Variants in KCNQ1OT1 observed in about 807,000 individuals in gnomAD.
KCNQ1OT1 encodes the protein KCNQ1 opposite strand/antisense transcript 1, also known as KCNQ1 antisense RNA 2 (non-protein coding).
At chr11:2,675,851 G>A in exon 1 of KCNQ1OT1, 2 of 398,730 alleles carry the variant, frequency 5.0e-6, no homozygotes, top group South Asian at 1.3e-4. Context: ...CCACTGCCTG[G>A]CCAACACCTG....
chr11:2,683,552 C>G lies in KCNQ1OT1; in HGVS notation n.16443G>C, dbSNP rs974455760. 4 of 398,486 alleles carry G rather than the reference C, an allele frequency of 1.0e-5. No homozygotes were observed. The highest frequency in any genetic ancestry group is 8.2e-5 in the African/African-American group (4 of 48,608). The allele number at this position is 398,486 out of a possible 1,614,324, so 24.7% of individuals were successfully genotyped here. On this transcript the variant is annotated non_coding_transcript_exon_variant, in exon 1 of 1. Coordinates refer to ENST00000597346, the Ensembl canonical transcript of KCNQ1OT1. The surrounding 1 kb of genome is among the most constrained non-coding windows in gnomAD (Gnocchi z 4.7). ...CATTTCTAAAAAAGAGGTAGAAGCC[C>G]CTACCTACTGACTGGCATCACAAAC...
exon 1 of KCNQ1OT1, chr11:2,635,676 G>A (rs1849453121): frequency 1.3e-5 from 2 of 152,044 alleles, no homozygotes; most frequent in Admixed American, 6.6e-5. Context: ...CTCTTTTTTG[G>A]TTCCATATGA....
At chr11:2,616,431 T>C in exon 1 of KCNQ1OT1, 1 of 398,060 alleles carries the variant, frequency 2.5e-6, no homozygotes, top group East Asian at 3.6e-5. Flanking sequence ...TTCTCTCTTT[T>C]AACTTTAGGT....
At chr11:2,694,081 A>C (rs1775309700) in exon 1 of KCNQ1OT1, 1 of 398,534 alleles carries the variant, frequency 2.5e-6, no homozygotes, top group African/African-American at 2.1e-5. Context: ...AGTTCCAACT[A>C]AACCTCTGGG....
At chr11:2,680,651 A>C (rs1850380796) in exon 1 of KCNQ1OT1, 1 of 398,462 alleles carries the variant, frequency 2.5e-6, no homozygotes, top group Non-Finnish European at 4.4e-6. Flanking sequence ...TTGCATTGAT[A>C]GTCTCACTAC....
exon 1 of KCNQ1OT1, chr11:2,633,278 C>T (rs77336468): frequency 0.013 from 5,149 of 398,404 alleles, 157 homozygotes; most frequent in East Asian, 0.079. Flanking sequence ...TTGTATATTC[C>T]GGATATTAAT....
exon 1 of KCNQ1OT1, chr11:2,615,778 G>C: frequency 2.5e-6 from 1 of 397,852 alleles, no homozygotes; most frequent in African/African-American, 2.1e-5. Context: ...TGCTGAATTT[G>C]GCTTACTAGT....
At position 2,687,883 on chromosome 11, in the gene KCNQ1OT1, G is replaced by A. The variant is rs577756532; in HGVS notation, n.12112C>T. The A allele has an allele frequency of 1.1e-4, 43 of 398,576 alleles. No homozygotes were observed. Among genetic ancestry groups the A allele is most frequent in the East Asian group, 5.0e-4 (14 of 28,088 alleles). The allele number at this position is 398,576 out of a possible 1,614,324, so 24.7% of individuals were successfully genotyped here. ...TCAAAGGCTGGACTTGGGGTGTCCCGCGGAAATCCTGGTGGGATGGAAAAT... is the reference window on the plus strand; with the variant it reads ...TCAAAGGCTGGACTTGGGGTGTCCCACGGAAATCCTGGTGGGATGGAAAAT... On this transcript the variant is annotated non_coding_transcript_exon_variant, in exon 1 of 1. Coordinates refer to ENST00000597346, the Ensembl canonical transcript of KCNQ1OT1. This position sits in a 1 kb window ranked among gnomAD's most constrained non-coding sequence, Gnocchi z 5.0.
chr11:2,646,054 A>G (rs746691646), exon 1 of KCNQ1OT1: 21 of 398,500 alleles, frequency 5.3e-5, no homozygotes, highest in African/African-American at 3.9e-4. Flanking sequence ...GAGTCTCTTC[A>G]TGATCCCAGC....
rs1849322402 is a variant in KCNQ1OT1, at chr11:2,629,737, T to C, written n.70258A>G. 1.0e-5 allele frequency: 4 copies of C among 398,422 alleles called. No homozygotes were observed. The South Asian group carries it at 3.8e-4, about 38-fold the overall frequency. 24.7% of individuals were successfully genotyped at this position (398,422 alleles called of 1,614,324 possible). ...TGTTTTTCAGGTTGTTTATTATTAG[T>C]GTATAGATACGCAAATGACTTCTGA... is the stretch of plus-strand genomic sequence containing the variant. On this transcript the variant is annotated non_coding_transcript_exon_variant, in exon 1 of 1. Coordinates refer to ENST00000597346, the Ensembl canonical transcript of KCNQ1OT1.
Position 2,690,907 on chromosome 11 carries a change from T to C in KCNQ1OT1, n.9088A>G, listed in dbSNP as rs1035946045. ...CTGTTTCCGTCTGGGTTTTGTCATG[T>C]GTAGGTCCCAGCGGCTTTAAGCCAA... On this transcript the variant is annotated non_coding_transcript_exon_variant, in exon 1 of 1. Coordinates refer to ENST00000597346, the Ensembl canonical transcript of KCNQ1OT1. This position sits in a 1 kb window ranked among gnomAD's most constrained non-coding sequence, Gnocchi z 5.1. The C allele has an allele frequency of 7.5e-6, 3 of 398,454 alleles. No individual in the cohort carries two copies. Among genetic ancestry groups the C allele is most frequent in the African/African-American group, 4.1e-5 (2 of 48,606 alleles). The allele number at this position is 398,454 out of a possible 1,614,324, so 24.7% of individuals were successfully genotyped here. A position where few individuals can be genotyped will look rare whatever the true frequency, so the allele number is the denominator to read the frequency against.
At chr11:2,693,069 CAT>C in exon 1 of KCNQ1OT1, 1 of 398,662 alleles carries the variant, frequency 2.5e-6, no homozygotes. Flanking sequence ...TCCAGTTAGC[CAT>C]AGAGGGGAAT....
Position 2,613,857 on chromosome 11 carries a change from T to G in KCNQ1OT1, n.86138A>C, listed in dbSNP as rs902769391. The G allele has an allele frequency of 2.5e-6, 1 of 398,472 alleles. No individual in the cohort carries two copies. Among genetic ancestry groups the G allele is most frequent in the African/African-American group, 2.1e-5 (1 of 48,632 alleles). 24.7% of individuals were successfully genotyped at this position (398,472 alleles called of 1,614,324 possible). A position where few individuals can be genotyped will look rare whatever the true frequency, so the allele number is the denominator to read the frequency against. On this transcript the variant is annotated non_coding_transcript_exon_variant, in exon 1 of 1. Transcript: ENST00000597346. The surrounding 1 kb of genome is among the most constrained non-coding windows in gnomAD (Gnocchi z 4.8). Reference sequence around the variant, plus strand: ...AGTGTTTTCTAGTTTATAGTTTGTGTGTGTTTGCTCTTTATAAGACATGAT... The same window carrying G: ...AGTGTTTTCTAGTTTATAGTTTGTGGGTGTTTGCTCTTTATAAGACATGAT...
rs973522136 is a variant in KCNQ1OT1, at chr11:2,658,565, A to G, written n.41430T>C. On this transcript the variant is annotated non_coding_transcript_exon_variant, in exon 1 of 1. Coordinates refer to ENST00000597346, the Ensembl canonical transcript of KCNQ1OT1. The surrounding 1 kb of genome is among the most constrained non-coding windows in gnomAD (Gnocchi z 4.9). ...CCCTACCCTAGCCCTAGAATCATCC[A>G]TTCATCCAGAGAGCCCTGGCTCCCT... 8.9e-5 allele frequency: 31 copies of G among 346,926 alleles called. No individual in the cohort carries two copies. In the Admixed American group the frequency reaches 9.3e-4, roughly 10 times the overall value. The allele number at this position is 346,926 out of a possible 1,614,324, so 21.5% of individuals were successfully genotyped here. A position where few individuals can be genotyped will look rare whatever the true frequency, so the allele number is the denominator to read the frequency against.
chr11:2,626,852 G>A lies in KCNQ1OT1; in HGVS notation n.73143C>T, dbSNP rs116235194. On this transcript the variant is annotated non_coding_transcript_exon_variant, in exon 1 of 1. Coordinates refer to ENST00000597346, the Ensembl canonical transcript of KCNQ1OT1. The surrounding 1 kb of genome is among the most constrained non-coding windows in gnomAD (Gnocchi z 4.0). ...CTGTAGTAAGTTTTCAAATCAGAAA[G>A]TGTGAGTCCTCCAATGTTGTTCATC... 677 of 398,572 alleles carry A rather than the reference G, an allele frequency of 1.7e-3. 6 individuals are homozygous for A. The highest frequency in any genetic ancestry group is 0.012 in the African/African-American group (605 of 48,726). The allele number at this position is 398,572 out of a possible 1,614,324, so 24.7% of individuals were successfully genotyped here. A position where few individuals can be genotyped will look rare whatever the true frequency, so the allele number is the denominator to read the frequency against.
rs1283882110 is a variant in KCNQ1OT1, at chr11:2,613,157, G to T, written n.86838C>A. On this transcript the variant is annotated non_coding_transcript_exon_variant, in exon 1 of 1. Transcript: ENST00000597346. The surrounding 1 kb of genome is among the most constrained non-coding windows in gnomAD (Gnocchi z 4.8). The stretch of plus-strand genomic sequence containing the variant: ...CTCTGCTGAGGGGATCTATGTGTGG[G>T]TTGGGACATTCAAAGTTCAGGCACT... The T allele has an allele frequency of 5.5e-5, 22 of 398,430 alleles. No individual in the cohort carries two copies. The highest frequency in any genetic ancestry group is 9.7e-5 in the Non-Finnish European group (22 of 226,074). The allele number at this position is 398,430 out of a possible 1,614,324, so 24.7% of individuals were successfully genotyped here.
rs1408640559 is a variant in KCNQ1OT1 at position 2,682,963 on chromosome 11, C to T, written n.17032G>A. The T allele has an allele frequency of 2.5e-6, 1 of 398,564 alleles. No homozygotes were observed. The highest frequency in any genetic ancestry group is 4.4e-6 in the Non-Finnish European group (1 of 226,066). 24.7% of individuals were successfully genotyped at this position (398,564 alleles called of 1,614,324 possible). ...GAAGAAAGGACAGGAGTCCTTCTGC[C>T]ACCCAGACTGTGCATTCAGACATCT... On this transcript the variant is annotated non_coding_transcript_exon_variant, in exon 1 of 1. Transcript: ENST00000597346. This position sits in a 1 kb window ranked among gnomAD's most constrained non-coding sequence, Gnocchi z 5.8.
rs1850176779 is a variant in KCNQ1OT1, at chr11:2,671,143, GC to G, written n.28851del. ...TCAGGCCTGGTTGGTCCCATGGGAG[GC>G]CTGAGGTGCCATCTTAGAAATAGGG... On this transcript the variant is annotated non_coding_transcript_exon_variant, in exon 1 of 1. Coordinates refer to ENST00000597346, the Ensembl canonical transcript of KCNQ1OT1. The surrounding 1 kb of genome is among the most constrained non-coding windows in gnomAD (Gnocchi z 4.7). The G allele has an allele frequency of 2.5e-6, 1 of 398,544 alleles. No homozygotes were observed. Among genetic ancestry groups the G allele is most frequent in the African/African-American group, 2.1e-5 (1 of 48,602 alleles). The allele number at this position is 398,544 out of a possible 1,614,324, so 24.7% of individuals were successfully genotyped here. A position where few individuals can be genotyped will look rare whatever the true frequency, so the allele number is the denominator to read the frequency against.
rs1021418507 is a variant in KCNQ1OT1 at position 2,641,540 on chromosome 11, C to G, written n.58455G>C. ...TCCTAGTATATTCTGGTATTAGTAC[C>G]TTGTCAGATGAGTAGTTTGCAAATA... On this transcript the variant is annotated non_coding_transcript_exon_variant, in exon 1 of 1. Coordinates refer to ENST00000597346, the Ensembl canonical transcript of KCNQ1OT1. 2.8e-4 allele frequency: 110 copies of G among 398,142 alleles called. 1 individual carries two copies. The highest frequency in any genetic ancestry group is 2.1e-3 in the African/African-American group (104 of 48,568). The allele number at this position is 398,142 out of a possible 1,614,324, so 24.7% of individuals were successfully genotyped here. A position where few individuals can be genotyped will look rare whatever the true frequency, so the allele number is the denominator to read the frequency against.
Sources: gnomAD v4.1 joint callset for allele counts on GRCh38, gnomAD v4.1.1 for gene constraint, Gnocchi (gnomAD v3.1) non-coding constraint, MANE v1.5 for transcripts, NCBI Gene and HGNC (gene_info 2026-07-23, HGNC 2026-07-21) for gene names.